Variants in FAM135A observed in about 807,000 individuals in gnomAD.
FAM135A encodes the protein protein FAM135A.
A neutral mutation model predicts 146.8 loss-of-function variants in FAM135A; 79 were observed. The observed-to-expected ratio is 0.54, with a 90% CI of 0.45 to 0.65. The LOEUF (loss-of-function observed/expected upper bound fraction) is 0.65. Ranked by LOEUF, FAM135A falls within the 30% of genes least tolerant of loss-of-function variation. The pLI is 0.00. For missense variants in FAM135A, 1,623 were observed against 1,758.2 expected, an observed-to-expected ratio of 0.92 and a Z score of 1.38; for synonymous variants, 562 against 603.6, an observed-to-expected ratio of 0.93 and a Z score of 1.01.
chr6:70,495,776 A>T (rs893760330), intron 11 of FAM135A, among the ~76,000 whole-genome samples: 1 of 152,014 alleles, frequency 6.6e-6, no homozygotes, highest in African/African-American at 2.4e-5. Context: ...TCATAATGCT[A>T]TCCTTCCCCT....
intron 18 of FAM135A, 66 bp from the exon 19 acceptor site, chr6:70,536,194 A>G: frequency 2.5e-5 from 36 of 1,452,912 alleles, no homozygotes; most frequent in South Asian, 1.4e-4. Context: ...TTTATAGTGG[A>G]TCAGCTTTGA....
chr6:70,459,579 T>C (rs1779017254), intron 5 of FAM135A, among the ~76,000 whole-genome samples: 1 of 152,210 alleles, frequency 6.6e-6, no homozygotes, highest in South Asian at 2.1e-4. Context: ...GTTTGAAATG[T>C]TATGCAGTTT....
intron 20 of FAM135A, among the ~76,000 whole-genome samples, chr6:70,546,928 GA>G (rs1396190500): frequency 3.3e-5 from 5 of 152,076 alleles, no homozygotes; most frequent in Non-Finnish European, 7.4e-5. Context: ...ATAATATATA[GA>G]CATTAGATGA....
chr6:70,524,705 A>C lies in FAM135A; in HGVS notation c.1621A>C (p.Asn541His). Residue 541 changes from asparagine to histidine, a missense_variant, in exon 15 of 22, where the codon AAT (asparagine) becomes CAT (histidine). Around this residue, in one of 7 missense-constraint regions of FAM135A, gnomAD observed 1,061 missense variants for 1,113.8 expected, o/e 0.95. Transcript: ENST00000418814. ...SNDLIKCFEG[N>H]PSHSQKEGLD... ...TGATCTCATTAAATGCTTTGAAGGC[A>C]ATCCTTCACATAGTCAGAAGGAAGG... 1 of 1,550,308 alleles carries C rather than the reference A, an allele frequency of 6.5e-7. No individual in the cohort carries two copies.
intron 20 of FAM135A, among the ~76,000 whole-genome samples, chr6:70,539,901 C>T (rs1007565400): frequency 2.0e-5 from 3 of 152,152 alleles, no homozygotes; most frequent in African/African-American, 7.2e-5. Flanking sequence ...GAGGCTGAGG[C>T]AGGAGAATGG....
chr6:70,426,091 C>G (rs530268605), intron 2 of FAM135A, among the ~76,000 whole-genome samples: 37 of 145,628 alleles, frequency 2.5e-4, no homozygotes, highest in African/African-American at 9.3e-4. Flanking sequence ...GCCTGGGCGA[C>G]AGAGCGAGAC....
intron 5 of FAM135A, among the ~76,000 whole-genome samples, chr6:70,456,274 T>G (rs766647824): frequency 1.3e-5 from 2 of 152,356 alleles, no homozygotes; most frequent in Non-Finnish European, 2.9e-5. Context: ...ACTATCTCCT[T>G]GTTATGTCAG....
chr6:70,495,141 G>A (rs898611341), intron 11 of FAM135A, among the ~76,000 whole-genome samples: 4 of 152,056 alleles, frequency 2.6e-5, no homozygotes, highest in African/African-American at 9.7e-5. Flanking sequence ...ATCATATGTC[G>A]ATGAATATTT....
In FAM135A at chr6:70,538,193, G is replaced by A. The variant is rs1221335209; in HGVS notation, c.4118-98G>A. The stretch of plus-strand genomic sequence containing the variant: ...CAACAAAAATGCTAATTTAGGCAAT[G>A]TCATCTTTTGAAGTGAAATATATAT... On this transcript the variant is annotated intron_variant, in intron 19 of 21. Transcript: ENST00000418814. 3.2e-4 allele frequency: 224 copies of A among 693,906 alleles called. 1 individual carries two copies. Among genetic ancestry groups the A allele is most frequent in the African/African-American group, 1.9e-5 (1 of 53,526 alleles). 43.0% of individuals were successfully genotyped at this position (693,906 alleles called of 1,614,324 possible).
At chr6:70,413,987 G>C in intron 1 of FAM135A, 4 of 985,740 alleles carry the variant, frequency 4.1e-6, no homozygotes, top group Non-Finnish European at 4.8e-6. Flanking sequence ...CCCTCGACCC[G>C]TTCTTCCTGA....
chr6:70,425,148 C>T (rs924505129), intron 2 of FAM135A, among the ~76,000 whole-genome samples: 8 of 150,330 alleles, frequency 5.3e-5, no homozygotes, highest in African/African-American at 1.9e-4. Context: ...CAGAGTATAC[C>T]TCTTTCTGAT....
rs114758359 is a variant in FAM135A, at chr6:70,431,285, A to G, written c.77+2866A>G. On this transcript the variant is annotated intron_variant, in intron 4 of 21. Coordinates refer to ENST00000418814, the MANE Select transcript of FAM135A (RefSeq NM_001162529.3). ...GCTCCTAAGTCTGTGGATCATCTCAACGGTTCTACTGATCTAGGGTGGCTT... is the reference window on the plus strand; with the variant it reads ...GCTCCTAAGTCTGTGGATCATCTCAGCGGTTCTACTGATCTAGGGTGGCTT... Among the ~76,000 whole-genome samples the G allele has an allele frequency of 1.8e-3, 281 of 152,256 alleles. 2 individuals carry two copies. Among genetic ancestry groups the G allele is most frequent in the African/African-American group, 6.4e-3 (264 of 41,536 alleles).
At chr6:70,504,724 G>C (rs936402802) in intron 12 of FAM135A, 3 of 152,328 alleles carry the variant, frequency 2.0e-5, no homozygotes, top group African/African-American at 7.2e-5. Context: ...CACTGTCCCA[G>C]CACTTTGGGA....
Position 70,536,858 on chromosome 6 carries a change from A to T in FAM135A, c.4117+447A>T, listed in dbSNP as rs1796884546. ...TTACGAAGGTGATTCAGAATTTCTG[A>T]AGAAGTTAATATGAAAGTTAAGACC... On this transcript the variant is annotated intron_variant, in intron 19 of 21. Transcript: ENST00000418814. 2.0e-5 allele frequency among the ~76,000 whole-genome samples: 3 copies of T among 152,096 alleles called. No homozygotes were observed. In the South Asian group the frequency reaches 6.2e-4, roughly 31 times the overall value.
At chr6:70,448,467 G>T (rs1419289241) in intron 4 of FAM135A, among the ~76,000 whole-genome samples, 1 of 152,138 alleles carries the variant, frequency 6.6e-6, no homozygotes, top group African/African-American at 2.4e-5. Context: ...GTACTCGAGT[G>T]TCCTCCAGCT....
intron 3 of FAM135A, among the ~76,000 whole-genome samples, chr6:70,427,769 T>C (rs1217478671): frequency 6.6e-6 from 1 of 152,192 alleles, no homozygotes; most frequent in Non-Finnish European, 1.5e-5. Context: ...TTCTTTGCAA[T>C]TGAATACTTT....
rs775178271 is a variant in FAM135A at position 70,528,429 on chromosome 6, T to C, written c.3752T>C (p.Ile1251Thr). 1.2e-6 allele frequency: 2 copies of C among 1,610,754 alleles called. No homozygotes were observed. The highest frequency in any genetic ancestry group is 2.7e-5 in the African/African-American group (2 of 74,878). Residue 1251 changes from isoleucine to threonine, a missense_variant, in exon 16 of 22, where the codon ATT becomes ACT. Ile to Thr is a moderately conservative substitution (Grantham distance 89). This residue lies in a region of FAM135A where 1,061 missense variants were observed against 1,113.8 expected (regional missense o/e 0.95). Transcript: ENST00000418814. ...EDGSEDGVHL[I>T]VCVHGLDGNS... ...GGTTCTGAAGATGGAGTACATCTGA[T>C]TGTCTGTGTGCACGGTTTAGATGGT...
intron 7 of FAM135A, 58 bp downstream of exon 7, chr6:70,475,791 T>C: frequency 7.5e-7 from 1 of 1,327,644 alleles, no homozygotes; most frequent in East Asian, 2.3e-5. Flanking sequence ...TTTGTTATTA[T>C]TAGATTGCCC....
At chr6:70,413,990 C>T in intron 1 of FAM135A, 1 of 985,706 alleles carries the variant, frequency 1.0e-6, no homozygotes. Context: ...TCGACCCGTT[C>T]TTCCTGAACC....
Sources: gnomAD v4.1 joint callset for allele counts (sites outside exome capture counted in the v4.1 genomes callset) on GRCh38, gnomAD v4.1.1 for gene constraint, gnomAD v4.1.1 regional missense constraint, MANE v1.5 for transcripts, NCBI Gene and HGNC (gene_info 2026-07-23, HGNC 2026-07-21) for gene names.